The following MSH4 variants were observed in gnomAD, a reference collection of about 807,000 sequenced individuals.
MSH4 encodes mutS protein homolog 4.
A neutral mutation model predicts 113.7 loss-of-function variants in MSH4; 106 were observed. The observed-to-expected ratio is 0.93, with a 90% confidence interval of 0.80 to 1.10. MSH4 has a LOEUF of 1.10. Ranked by LOEUF, MSH4 falls within the 50% of genes least tolerant of loss-of-function variation. MSH4 has a pLI of 0.00. For missense variants in MSH4, 1,061 were observed against 1,093.7 expected, an observed-to-expected ratio of 0.97 and a Z score of 0.42; for synonymous variants, 368 against 380.2, an observed-to-expected ratio of 0.97 and a Z score of 0.37.
At chr1:75,886,498 G>T (rs868551133) in intron 15 of MSH4, among the ~76,000 whole-genome samples, 7 of 91,246 alleles carry the variant, frequency 7.7e-5, no homozygotes, top group Admixed American at 1.4e-4. Flanking sequence ...TATTATATAT[G>T]ATGTATTATA....
chr1:75,843,794 A>G (rs1378446613), intron 7 of MSH4, among the ~76,000 whole-genome samples: 1 of 152,064 alleles, frequency 6.6e-6, no homozygotes, highest in African/African-American at 2.4e-5. Flanking sequence ...GGTAAAATAA[A>G]CATTTTCTTA....
At chr1:75,815,956 C>T (rs1296979396) in intron 5 of MSH4, among the ~76,000 whole-genome samples, 11 of 151,532 alleles carry the variant, frequency 7.3e-5, no homozygotes, top group African/African-American at 2.4e-4. Context: ...TGCAGTGAGC[C>T]GAGATCACAC....
intron 7 of MSH4, among the ~76,000 whole-genome samples, chr1:75,841,760 G>C (rs1650963952): frequency 6.6e-6 from 1 of 152,148 alleles, no homozygotes; most frequent in Non-Finnish European, 1.5e-5. Flanking sequence ...GAGGAGTCTG[G>C]AAAGAGAAAG....
intron 8 of MSH4, among the ~76,000 whole-genome samples, chr1:75,862,334 T>C (rs1458986824): frequency 6.6e-6 from 1 of 152,120 alleles, no homozygotes; most frequent in African/African-American, 2.4e-5. Flanking sequence ...GGTACCTCAG[T>C]TGGAAATGCA....
At chr1:75,816,347 G>A in intron 5 of MSH4, 26 bp from the exon 6 acceptor site, 1 of 1,512,524 alleles carries the variant, frequency 6.6e-7, no homozygotes, top group Non-Finnish European at 9.0e-7. Flanking sequence ...AAGACTTATA[G>A]TGATGTATTA....
intron 2 of MSH4, 41 bp from the exon 3 acceptor site, chr1:75,806,940 T>C (rs1477138211): frequency 6.7e-7 from 1 of 1,481,584 alleles, no homozygotes; most frequent in South Asian, 1.4e-5. Context: ...GAAATGATTA[T>C]TATCAATGTT....
Position 75,878,206 on chromosome 1 carries a change from G to T in MSH4, c.1428G>T (p.Met476Ile). The T allele has an allele frequency of 6.2e-7, 1 of 1,609,716 alleles. No homozygotes were observed. Among genetic ancestry groups the T allele is most frequent in the East Asian group, 2.2e-5 (1 of 44,762 alleles). The change falls in exon 11 of 20, where the codon ATG becomes ATT. Residue 476 changes from methionine (M) to isoleucine (I), a missense_variant. Met to Ile is a conservative substitution (Grantham distance 10). Transcript: ENST00000263187. ...KTVINDDARY[M>I]KGCLNMRTQK... ...TAATTAATGATGATGCAAGATACAT[G>T]AAAGGATGCCTAAACATGAGGACTC...
intron 15 of MSH4, among the ~76,000 whole-genome samples, chr1:75,885,754 T>G (rs111242377): frequency 0.57 from 56,283 of 98,704 alleles, 17,796 homozygotes; most frequent in East Asian, 0.77. Context: ...ATATAATGTA[T>G]TATATATAGT....
intron 7 of MSH4, among the ~76,000 whole-genome samples, chr1:75,824,196 T>C (rs1650493799): frequency 1.3e-5 from 2 of 152,228 alleles, no homozygotes; most frequent in South Asian, 4.1e-4. Flanking sequence ...TATCTCATTG[T>C]GGTTTTGATT....
At chr1:75,839,439 T>C (rs1025214944) in intron 7 of MSH4, among the ~76,000 whole-genome samples, 1 of 152,146 alleles carries the variant, frequency 6.6e-6, no homozygotes, top group Non-Finnish European at 1.5e-5. Context: ...GGTCTCAAAC[T>C]CCTGACCTCA....
intron 4 of MSH4, among the ~76,000 whole-genome samples, chr1:75,813,392 A>G (rs1650228615): frequency 6.6e-6 from 1 of 152,202 alleles, no homozygotes; most frequent in Non-Finnish European, 1.5e-5. Flanking sequence ...GCAGTATAGC[A>G]TAGTGCTTAA....
Position 75,901,867 on chromosome 1 carries a change from T to C in MSH4, c.2619+2161T>C, listed in dbSNP as rs192724219. 2.2e-3 allele frequency among the ~76,000 whole-genome samples: 340 copies of C among 152,282 alleles called. 1 individual carries two copies. The highest frequency in any genetic ancestry group is 0.014 in the South Asian group (67 of 4,822). On this transcript the variant is annotated intron_variant, in intron 19 of 19. Transcript: ENST00000263187. ...AAGCTATCTTAACTAGGTGAGATGA[T>C]ATCTCATTGTGGTTTTGATATATAT...
intron 19 of MSH4, among the ~76,000 whole-genome samples, chr1:75,899,963 A>T (rs1570998472): frequency 6.6e-6 from 1 of 151,950 alleles, no homozygotes; most frequent in East Asian, 1.9e-4. Flanking sequence ...TAAAATAATT[A>T]TTGCTATACT....
intron 8 of MSH4, among the ~76,000 whole-genome samples, chr1:75,852,637 T>G (rs778884716): frequency 6.6e-6 from 1 of 152,196 alleles, no homozygotes; most frequent in Non-Finnish European, 1.5e-5. Flanking sequence ...GAGCATCTTT[T>G]TACATGCTTA....
At chr1:75,833,089 T>G (rs1650741817) in intron 7 of MSH4, among the ~76,000 whole-genome samples, 1 of 152,224 alleles carries the variant, frequency 6.6e-6, no homozygotes, top group Non-Finnish European at 1.5e-5. Flanking sequence ...CAGCAAAGTC[T>G]CTGGACACAA....
intron 1 of MSH4, among the ~76,000 whole-genome samples, chr1:75,799,535 T>C (rs1649890966): frequency 6.6e-6 from 1 of 152,218 alleles, no homozygotes; most frequent in Admixed American, 6.5e-5. Context: ...AAGTGCACCT[T>C]GAACTGGTCT....
intron 16 of MSH4, among the ~76,000 whole-genome samples, chr1:75,890,002 G>A (rs1652215268): frequency 6.6e-6 from 1 of 151,964 alleles, no homozygotes; most frequent in Non-Finnish European, 1.5e-5. Context: ...ATAGATCGTA[G>A]CAATATATTA....
At chr1:75,836,019 A>G (rs1192524199) in intron 7 of MSH4, among the ~76,000 whole-genome samples, 1 of 152,122 alleles carries the variant, frequency 6.6e-6, no homozygotes, top group Non-Finnish European at 1.5e-5. Flanking sequence ...AGGCTGTTAG[A>G]GCGCTTTGTT....
Position 75,878,263 on chromosome 1 carries a change from T to G in MSH4, c.1485T>G (p.Asn495Lys). The G allele has an allele frequency of 6.2e-7, 1 of 1,606,640 alleles. No homozygotes were observed. The change falls in exon 11 of 20, where the codon AAT becomes AAG. Residue 495 changes from asparagine (N) to lysine (K), a missense_variant. Transcript: ENST00000263187. ...QKCYAVRSNI[N>K]EFLDIARRTY... Reference sequence around the variant, plus strand: ...GCTATGCAGTGAGGTCTAACATAAATGAATTTCTTGACATAGCAAGAAGAA... The same window carrying G: ...GCTATGCAGTGAGGTCTAACATAAAGGAATTTCTTGACATAGCAAGAAGAA...
Sources: allele counts gnomAD v4.1 joint callset (sites outside exome capture counted in the v4.1 genomes callset), GRCh38; gene constraint gnomAD v4.1.1; transcripts MANE v1.5; gene names NCBI Gene and HGNC (gene_info 2026-07-23, HGNC 2026-07-21).